TCF3: variants seen among roughly 807,000 people sequenced by gnomAD.
The protein encoded by TCF3 is transcription factor 3.
A neutral mutation model predicts 72.3 loss-of-function variants in TCF3; 54 were observed. The ratio of observed to expected loss-of-function variants is 0.75; its 90% CI spans 0.60 to 0.94. TCF3 has a LOEUF of 0.94. Among genes scored for constraint, TCF3 ranks in the 40% least tolerant of loss-of-function variants. TCF3 has a pLI of 0.00. For synonymous variants in TCF3, 525 were observed against 412.6 expected (o/e 1.27, Z -3.30); for missense variants, 1,078 against 934.4 (o/e 1.15, Z -2.00).
intron 3 of TCF3, among the ~76,000 whole-genome samples, chr19:1,645,025 GCCAGCCCTGTGGCCACTTCCTCAC>G (rs1037118380): frequency 7.2e-5 from 11 of 152,226 alleles, no homozygotes; most frequent in African/African-American, 2.6e-4. Flanking sequence ...GCATATTCCG[GCCAGCCCTGTGGCCACTTCCTCAC>G]GTAGAGGGGA....
chr19:1,648,700 G>A (rs1407118315), intron 2 of TCF3, among the ~76,000 whole-genome samples: 1 of 152,146 alleles, frequency 6.6e-6, no homozygotes, highest in Non-Finnish European at 1.5e-5. Context: ...GTTTCAGTTT[G>A]GGGACTTTTG....
rs900303482 is a variant in TCF3 at position 1,635,652 on chromosome 19, G to A, written c.146-3247C>T. Among the ~76,000 whole-genome samples, 6 of 152,212 alleles carry A rather than the reference G, an allele frequency of 3.9e-5. No homozygotes were observed. The East Asian group carries it at 9.7e-4, about 24-fold the overall frequency. On this transcript the variant is annotated intron_variant, in intron 3 of 18. Coordinates refer to ENST00000262965, the MANE Select transcript of TCF3 (RefSeq NM_003200.5). Reference sequence around the variant, plus strand: ...TGCTTCCAAGAACATTTTCCTGGAGGATCAAAATATTCTCCACCTCTGCTG... The same window carrying A: ...TGCTTCCAAGAACATTTTCCTGGAGAATCAAAATATTCTCCACCTCTGCTG...
In TCF3 at chr19:1,609,970, A is replaced by C. The variant is rs1209872706; in HGVS notation, c.*1737T>G. On this transcript the variant is annotated 3_prime_UTR_variant, in exon 19 of 19. Coordinates refer to ENST00000262965, the MANE Select transcript of TCF3 (RefSeq NM_003200.5). The stretch of plus-strand genomic sequence containing the variant: ...AGGGAGGGGCATGAAGGGCACATGA[A>C]GGCCCCCAGCTAGCCAGGCCCACAC... 8.6e-6 allele frequency: 2 copies of C among 232,670 alleles called. No homozygotes were observed. Among genetic ancestry groups the C allele is most frequent in the Non-Finnish European group, 1.7e-5 (2 of 117,770 alleles). 14.4% of individuals were successfully genotyped at this position (232,670 alleles called of 1,614,324 possible).
intron 8 of TCF3, among the ~76,000 whole-genome samples, chr19:1,623,040 G>GGAGT (rs1259028263): frequency 6.6e-6 from 1 of 152,130 alleles, no homozygotes; most frequent in Non-Finnish European, 1.5e-5. Flanking sequence ...GGGAAGGAGG[G>GGAGT]GAGTGAGTGA....
intron 4 of TCF3, 67 bp from the exon 5 acceptor site, chr19:1,632,183 C>T: frequency 6.4e-7 from 1 of 1,573,262 alleles, no homozygotes. Context: ...CCCCGCATTA[C>T]AGCTGGAGAG....
In TCF3 at chr19:1,618,776, C is replaced by G. The variant is rs146368514; in HGVS notation, c.1450+335G>C. 1.9e-4 allele frequency among the ~76,000 whole-genome samples: 29 copies of G among 152,364 alleles called. No homozygotes were observed. The East Asian group carries it at 5.6e-3, about 29-fold the overall frequency. On this transcript the variant is annotated intron_variant, in intron 16 of 18. Coordinates refer to ENST00000262965, the MANE Select transcript of TCF3 (RefSeq NM_003200.5). ...TCGTTCCTTCTCCCTGGCACCTGTA[C>G]TGTGCAGCGAGCTCCTGGTCTGTCT...
Position 1,622,364 on chromosome 19 carries a change from G to A in TCF3, c.601C>T (p.Pro201Ser), listed in dbSNP as rs2062348267. ...GTGCTGCTGGGGGTCTTGGCGGACG[G>A]GTAGGCGGTGGCATCCCTGCCGTAG... ...EDYGRDATAY[P>S]SAKTPSSTYP... Residue 201 changes from proline (P) to serine (S), a missense_variant, in exon 9 of 19, where the codon CCG (proline) becomes TCG (serine). Pro to Ser is a moderately conservative substitution (Grantham distance 74, BLOSUM62 -1). Transcript: ENST00000262965. 1.3e-6 allele frequency: 2 copies of A among 1,528,486 alleles called. No individual in the cohort carries two copies. The highest frequency in any genetic ancestry group is 1.8e-6 in the Non-Finnish European group (2 of 1,139,066). The allele number at this position is 1,528,486 out of a possible 1,614,324, so 94.7% of individuals were successfully genotyped here. A position where few individuals can be genotyped will look rare whatever the true frequency, so the allele number is the denominator to read the frequency against.
In TCF3 at chr19:1,627,816, G is replaced by T. The variant is rs1451370424; in HGVS notation, c.299-390C>A. ...GGACAGCAGAGCTCACAGGGGGTGA[G>T]GCGGGAAGGGGACAGCAGAGCTCAC... On this transcript the variant is annotated intron_variant, in intron 5 of 18. Transcript: ENST00000262965. 5.0e-5 allele frequency among the ~76,000 whole-genome samples: 6 copies of T among 120,674 alleles called. No homozygotes were observed. In the East Asian group the frequency reaches 1.3e-3, roughly 26 times the overall value. 79.2% of individuals were successfully genotyped at this position (120,674 alleles called of 152,430 possible). A position where few individuals can be genotyped will look rare whatever the true frequency, so the allele number is the denominator to read the frequency against.
chr19:1,648,802 C>A (rs1267031088), intron 2 of TCF3, among the ~76,000 whole-genome samples: 1 of 142,992 alleles, frequency 7.0e-6, no homozygotes, highest in African/African-American at 2.6e-5. Context: ...CAACCCCAAA[C>A]GCTGCCACTG....
chr19:1,626,661 G>A (rs1197246362), intron 6 of TCF3, among the ~76,000 whole-genome samples: 3 of 152,138 alleles, frequency 2.0e-5, no homozygotes, highest in East Asian at 1.9e-4. Context: ...GGGCACTTGC[G>A]TATTCCTGTC....
At chr19:1,630,445 TG>T (rs1247896288) in intron 5 of TCF3, among the ~76,000 whole-genome samples, 2 of 152,152 alleles carry the variant, frequency 1.3e-5, no homozygotes, top group African/African-American at 4.8e-5. Flanking sequence ...TGCCCCGCTG[TG>T]GGGCCCAAAC....
chr19:1,612,480 G>A, intron 18 of TCF3: 1 of 1,520,456 alleles, frequency 6.6e-7, no homozygotes. Flanking sequence ...CCAAGGCTGG[G>A]TGGGAGGGCA....
chr19:1,632,811 A>G (rs2063869411), intron 3 of TCF3, among the ~76,000 whole-genome samples: 1 of 151,976 alleles, frequency 6.6e-6, no homozygotes, highest in South Asian at 2.1e-4. Context: ...GACTCTTCTG[A>G]CCCTGTGAGA....
chr19:1,637,311 T>TACCAGAACCGAGGACAACCTCCTCC (rs2064570016), intron 3 of TCF3, among the ~76,000 whole-genome samples: 1 of 141,786 alleles, frequency 7.1e-6, no homozygotes, highest in African/African-American at 2.7e-5. Flanking sequence ...CAACCTCCTC[T>TACCAGAACCGAGGACAACCTCCTCC]ACCAGAACCG....
In TCF3 at chr19:1,644,074, G is replaced by T. The variant is rs931998108; in HGVS notation, c.145+2281C>A. ...CACAGCTCCGGGGCTCCATCCTGCTGATGAGCCCCAAACTCCCCTCTTCCT... is the reference window on the plus strand; with the variant it reads ...CACAGCTCCGGGGCTCCATCCTGCTTATGAGCCCCAAACTCCCCTCTTCCT... On this transcript the variant is annotated intron_variant, in intron 3 of 18. Transcript: ENST00000262965. 5.3e-5 allele frequency among the ~76,000 whole-genome samples: 8 copies of T among 152,244 alleles called. No homozygotes were observed. The South Asian group carries it at 1.4e-3, about 28-fold the overall frequency.
Position 1,619,237 on chromosome 19 carries a change from G to C in TCF3, c.1327-3C>G, listed in dbSNP as rs369551101. On this transcript the variant is annotated splice_region_variant and splice_polypyrimidine_tract_variant and intron_variant, in intron 15 of 18. Coordinates refer to ENST00000262965, the MANE Select transcript of TCF3 (RefSeq NM_003200.5). ...TCCTCGGGGTGGCTGCCTCCAACCTGCAGGCGTGGGGAGACGGGTGCATCA... is the reference window on the plus strand; with the variant it reads ...TCCTCGGGGTGGCTGCCTCCAACCTCCAGGCGTGGGGAGACGGGTGCATCA... The C allele has an allele frequency of 3.1e-5, 49 of 1,592,050 alleles. No individual in the cohort carries two copies. The highest frequency in any genetic ancestry group is 4.1e-5 in the Non-Finnish European group (48 of 1,176,026).
intron 2 of TCF3, among the ~76,000 whole-genome samples, chr19:1,647,302 C>T (rs553508881): frequency 6.6e-6 from 1 of 152,352 alleles, no homozygotes; most frequent in African/African-American, 2.4e-5. Flanking sequence ...CCCCAAGGGG[C>T]TGCGTTTTAA....
intron 2 of TCF3, among the ~76,000 whole-genome samples, chr19:1,649,839 C>A (rs2066724907): frequency 6.6e-6 from 1 of 152,342 alleles, no homozygotes; most frequent in African/African-American, 2.4e-5. Context: ...CGACCCTGAT[C>A]AGGCCCATTT....
intron 3 of TCF3, among the ~76,000 whole-genome samples, chr19:1,646,121 C>T (rs1420220083): frequency 6.6e-6 from 1 of 152,134 alleles, no homozygotes; most frequent in Non-Finnish European, 1.5e-5. Flanking sequence ...GCTCCAGGCG[C>T]GGGAGGGACG....
Sources: allele counts gnomAD v4.1 joint callset (sites outside exome capture counted in the v4.1 genomes callset), GRCh38; gene constraint gnomAD v4.1.1; transcripts MANE v1.5; gene names NCBI Gene and HGNC (gene_info 2026-07-23, HGNC 2026-07-21).